Variants in EPN1 observed in about 807,000 individuals in gnomAD.
EPN1 encodes epsin-1.
In EPN1, 25 loss-of-function variants were observed where a neutral mutation model predicts 56.9. The observed-to-expected ratio is 0.44, with a 90% CI of 0.32 to 0.61. The LOEUF (loss-of-function observed/expected upper bound fraction) is 0.61. EPN1 is among the 20% of genes least tolerant of loss of function. The probability of loss-of-function intolerance (pLI) is 0.05; values close to 1 mark genes in which losing one functional copy is unlikely to be tolerated. For synonymous variants in EPN1, 411 were observed against 361.8 expected (o/e 1.14, Z -1.54); for missense variants, 785 against 823.7 (o/e 0.95, Z 0.58).
At chr19:55,690,861 C>A (rs1986496654) in intron 6 of EPN1, among the ~76,000 whole-genome samples, 1 of 152,138 alleles carries the variant, frequency 6.6e-6, no homozygotes, top group Non-Finnish European at 1.5e-5. Flanking sequence ...TTTAGGTTGG[C>A]CTCGGCCAGG....
At position 55,693,878 on chromosome 19, in the gene EPN1, G is replaced by A. The variant is rs140642322; in HGVS notation, c.1264+841G>A. On this transcript the variant is annotated intron_variant, in intron 9 of 10. Coordinates refer to ENST00000270460, the MANE Select transcript of EPN1 (RefSeq NM_001130072.2). ...AGGCCCTTTTTTGTCCCATACAAATGTGTGCATTTTTTCAACATTAGGTAG... is the reference window on the plus strand; with the variant it reads ...AGGCCCTTTTTTGTCCCATACAAATATGTGCATTTTTTCAACATTAGGTAG... 1.6e-3 allele frequency among the ~76,000 whole-genome samples: 247 copies of A among 152,222 alleles called. 1 individual carries two copies. The highest frequency in any genetic ancestry group is 1.5e-3 in the Non-Finnish European group (99 of 68,022).
In EPN1 at chr19:55,700,903, CTCA is replaced by C; in HGVS notation, c.*5550_*5552del. On this transcript the variant is annotated 3_prime_UTR_variant, in exon 11 of 11. Coordinates refer to ENST00000270460, the MANE Select transcript of EPN1 (RefSeq NM_001130072.2). ...AATGGCTTGTGTTGTGGGGAATGTT[CTCA>C]TCCACCCAAATCAAGCATCACTACA... The C allele has an allele frequency of 6.6e-6, 1 of 152,286 alleles. No individual in the cohort carries two copies. Among genetic ancestry groups the C allele is most frequent in the East Asian group, 1.9e-4 (1 of 5,182 alleles). The allele number at this position is 152,286 out of a possible 1,614,324, so 9.4% of individuals were successfully genotyped here.
rs375948547 is a variant in EPN1, at chr19:55,691,896, C to T, written c.905C>T (p.Pro302Leu). 2.2e-4 allele frequency: 353 copies of T among 1,598,622 alleles called. 2 individuals are homozygous for T. The highest frequency in any genetic ancestry group is 2.7e-4 in the Non-Finnish European group (313 of 1,172,888). The change falls in exon 7 of 11, where the codon CCT becomes CTT. Residue 302 changes from proline to leucine, a missense_variant. Pro to Leu is a moderately conservative substitution (Grantham distance 98). This residue lies in a region of EPN1 where 650 missense variants were observed against 605.0 expected (regional missense o/e 1.07). Transcript: ENST00000270460. This position sits in a 1 kb window ranked among gnomAD's most constrained non-coding sequence, Gnocchi z 5.6. ...GACCCCTGGGGCGGCCCCCCTGTCC[C>T]TCCAGCTGCTGATCCCTGGGGAGGT... ...TSDPWGGPPV[P>L]PAADPWGGPA...
chr19:55,679,297 C>G (rs1435822461), intron 2 of EPN1, among the ~76,000 whole-genome samples: 2 of 152,270 alleles, frequency 1.3e-5, no homozygotes, highest in Non-Finnish European at 2.9e-5. Flanking sequence ...TTTCAGTTTG[C>G]TGCTCTTGGG....
At chr19:55,675,734 T>A (rs1168380286) in intron 1 of EPN1, among the ~76,000 whole-genome samples, 1 of 152,164 alleles carries the variant, frequency 6.6e-6, no homozygotes, top group Non-Finnish European at 1.5e-5. Flanking sequence ...GGTCTCTCTC[T>A]CCTCTGTCTG....
intron 2 of EPN1, among the ~76,000 whole-genome samples, chr19:55,679,134 G>A (rs371505611): frequency 2.0e-5 from 3 of 152,250 alleles, no homozygotes; most frequent in African/African-American, 7.2e-5. Context: ...TGTGTGCCCA[G>A]ACACCCAGTT....
At chr19:55,676,817 G>A (rs1985464963) in intron 1 of EPN1, 1 of 183,158 alleles carries the variant, frequency 5.5e-6, no homozygotes, top group African/African-American at 2.4e-5. Flanking sequence ...CTGCCTCCCT[G>A]TCTTCCCATG....
rs1241818947 is a variant in EPN1, at chr19:55,706,562, G to A, written c.*11206G>A. On this transcript the variant is annotated 3_prime_UTR_variant, in exon 11 of 11. Transcript: ENST00000270460. ...AGCTCCTCAGTAGGCTAAGGCGGGA[G>A]AATCGCTTGAACCCAGAGGCAGAGG... 6.6e-6 allele frequency: 1 copy of A among 151,870 alleles called. No homozygotes were observed. Among genetic ancestry groups the A allele is most frequent in the Non-Finnish European group, 1.5e-5 (1 of 68,050 alleles). 9.4% of individuals were successfully genotyped at this position (151,870 alleles called of 1,614,324 possible).
At chr19:55,685,974 C>T (rs1986143495) in intron 3 of EPN1, among the ~76,000 whole-genome samples, 1 of 152,224 alleles carries the variant, frequency 6.6e-6, no homozygotes, top group South Asian at 2.1e-4. Context: ...GGGACACGCA[C>T]AGTGACCCCC....
Position 55,706,137 on chromosome 19 carries a change from G to T in EPN1, c.*10781G>T. Reference sequence around the variant, plus strand: ...CAGGTTTATGAGACTGGAGAACTTTGATTTCTTCTTCCTCCTCCTCCTCTC... The same window carrying T: ...CAGGTTTATGAGACTGGAGAACTTTTATTTCTTCTTCCTCCTCCTCCTCTC... On this transcript the variant is annotated 3_prime_UTR_variant, in exon 11 of 11. Transcript: ENST00000270460. 2 of 197,852 alleles carry T rather than the reference G, an allele frequency of 1.0e-5. No individual in the cohort carries two copies. The highest frequency in any genetic ancestry group is 1.3e-4 in the South Asian group (2 of 15,102). The allele number at this position is 197,852 out of a possible 1,614,324, so 12.3% of individuals were successfully genotyped here.
At position 55,689,056 on chromosome 19, in the gene EPN1, C is replaced by G; in HGVS notation, c.603+62C>G. On this transcript the variant is annotated intron_variant, in intron 4 of 10. Coordinates refer to ENST00000270460, the MANE Select transcript of EPN1 (RefSeq NM_001130072.2). This position sits in a 1 kb window ranked among gnomAD's most constrained non-coding sequence, Gnocchi z 5.7. ...CCGCCTCCACGCCTCACTTCAGGCTCCCTCCCAGCCAGGCGTGGGCCTGGC... is the reference window on the plus strand; with the variant it reads ...CCGCCTCCACGCCTCACTTCAGGCTGCCTCCCAGCCAGGCGTGGGCCTGGC... 6.6e-7 allele frequency: 1 copy of G among 1,510,250 alleles called. No individual in the cohort carries two copies. Among genetic ancestry groups the G allele is most frequent in the Non-Finnish European group, 8.8e-7 (1 of 1,131,802 alleles). 93.6% of individuals were successfully genotyped at this position (1,510,250 alleles called of 1,614,324 possible). A position where few individuals can be genotyped will look rare whatever the true frequency, so the allele number is the denominator to read the frequency against.
rs1291892483 is a variant in EPN1, at chr19:55,701,602, A to ACTTCTCC, written c.*6249_*6255dup. 6.6e-6 allele frequency: 1 copy of ACTTCTCC among 152,084 alleles called. No homozygotes were observed. Among genetic ancestry groups the ACTTCTCC allele is most frequent in the East Asian group, 1.9e-4 (1 of 5,172 alleles). The allele number at this position is 152,084 out of a possible 1,614,324, so 9.4% of individuals were successfully genotyped here. The stretch of plus-strand genomic sequence containing the variant: ...TCAGAAGGAGCTGACATTAATGAGA[A>ACTTCTCC]CTTCTCCCTGTTAGACCCTTAAAAT... On this transcript the variant is annotated 3_prime_UTR_variant, in exon 11 of 11. Coordinates refer to ENST00000270460, the MANE Select transcript of EPN1 (RefSeq NM_001130072.2).
rs919120884 is a variant in EPN1, at chr19:55,691,003, C to T, written c.763-751C>T. ...GCTCTTCTCCCCTTCCCATCCCCGC[C>T]GGGGCCTTTGCCTCACGGGTGCTGA... On this transcript the variant is annotated intron_variant, in intron 6 of 10. Transcript: ENST00000270460. This position sits in a 1 kb window ranked among gnomAD's most constrained non-coding sequence, Gnocchi z 5.6. Among the ~76,000 whole-genome samples the T allele has an allele frequency of 7.9e-5, 12 of 152,322 alleles. No individual in the cohort carries two copies. Among genetic ancestry groups the T allele is most frequent in the African/African-American group, 2.2e-4 (9 of 41,574 alleles).
chr19:55,695,386 CG>C lies in EPN1; in HGVS notation c.*32del, dbSNP rs1011008194. On this transcript the variant is annotated 3_prime_UTR_variant, in exon 11 of 11. Transcript: ENST00000270460. The surrounding 1 kb of genome is among the most constrained non-coding windows in gnomAD (Gnocchi z 4.4). ...GGGCGGAAGGGGGCCTGGCTCCATCCGGCTGCCCCATTCCGGCTCCCTGGGA... is the reference window on the plus strand; with the variant it reads ...GGGCGGAAGGGGGCCTGGCTCCATCCGCTGCCCCATTCCGGCTCCCTGGGA... The C allele has an allele frequency of 1.6e-6, 2 of 1,254,568 alleles. No individual in the cohort carries two copies. Among genetic ancestry groups the C allele is most frequent in the Admixed American group, 2.1e-5 (1 of 46,588 alleles). The allele number at this position is 1,254,568 out of a possible 1,614,324, so 77.7% of individuals were successfully genotyped here.
intron 2 of EPN1, among the ~76,000 whole-genome samples, chr19:55,682,877 C>T (rs1013821418): frequency 1.3e-5 from 2 of 152,132 alleles, no homozygotes; most frequent in African/African-American, 4.8e-5. Flanking sequence ...CTGCCTTAGC[C>T]TCCCGAGTAG....
In EPN1 at chr19:55,703,299, G is replaced by T. The variant is rs906222271; in HGVS notation, c.*7943G>T. 2.0e-5 allele frequency: 3 copies of T among 152,236 alleles called. No individual in the cohort carries two copies. Among genetic ancestry groups the T allele is most frequent in the Admixed American group, 6.6e-5 (1 of 15,248 alleles). The allele number at this position is 152,236 out of a possible 1,614,324, so 9.4% of individuals were successfully genotyped here. A position where few individuals can be genotyped will look rare whatever the true frequency, so the allele number is the denominator to read the frequency against. ...GCTGCTGTGTGTGTGTGTGTTGTGTGTGGTTGGGACAGTCGGGGATTCTCA... is the reference window on the plus strand; with the variant it reads ...GCTGCTGTGTGTGTGTGTGTTGTGTTTGGTTGGGACAGTCGGGGATTCTCA... On this transcript the variant is annotated 3_prime_UTR_variant, in exon 11 of 11. Coordinates refer to ENST00000270460, the MANE Select transcript of EPN1 (RefSeq NM_001130072.2).
rs905232116 is a variant in EPN1 at position 55,706,756 on chromosome 19, G to T, written c.*11400G>T. 2.0e-5 allele frequency: 3 copies of T among 152,030 alleles called. No homozygotes were observed. Among genetic ancestry groups the T allele is most frequent in the Non-Finnish European group, 1.5e-5 (1 of 67,998 alleles). The allele number at this position is 152,030 out of a possible 1,614,324, so 9.4% of individuals were successfully genotyped here. Reference sequence around the variant, plus strand: ...GAGAGATTAAAAAAAAAAAGTAAATGGGCCAGGTGCGATGGCTTGTGCCTG... The same window carrying T: ...GAGAGATTAAAAAAAAAAAGTAAATTGGCCAGGTGCGATGGCTTGTGCCTG... On this transcript the variant is annotated 3_prime_UTR_variant, in exon 11 of 11. Coordinates refer to ENST00000270460, the MANE Select transcript of EPN1 (RefSeq NM_001130072.2).
At position 55,689,358 on chromosome 19, in the gene EPN1, A is replaced by G; in HGVS notation, c.665A>G (p.Glu222Gly). ...QLQLALSLSR[E>G]EHDKEERIRR... ...CAGCTGGCCCTTAGTTTGAGCCGAGAAGAGCATGATAAGGTCAGAGCAGCC... is the reference window on the plus strand; with the variant it reads ...CAGCTGGCCCTTAGTTTGAGCCGAGGAGAGCATGATAAGGTCAGAGCAGCC... Residue 222 changes from glutamate to glycine, a missense_variant, in exon 5 of 11, where the codon GAA becomes GGA. This residue lies in a region of EPN1 where 650 missense variants were observed against 605.0 expected (regional missense o/e 1.07). Transcript: ENST00000270460. The surrounding 1 kb of genome is among the most constrained non-coding windows in gnomAD (Gnocchi z 5.7). 1 of 1,551,672 alleles carries G rather than the reference A, an allele frequency of 6.4e-7. No homozygotes were observed. The highest frequency in any genetic ancestry group is 8.7e-7 in the Non-Finnish European group (1 of 1,146,958).
Position 55,706,221 on chromosome 19 carries a change from C to A in EPN1, c.*10865C>A. ...TTTCTTCCTTTATTTTTCTTTCTTC[C>A]TTTCCTCCTCTTTCTTCTCCTTTTT... On this transcript the variant is annotated 3_prime_UTR_variant, in exon 11 of 11. Coordinates refer to ENST00000270460, the MANE Select transcript of EPN1 (RefSeq NM_001130072.2). 1.5e-5 allele frequency: 2 copies of A among 133,338 alleles called. No individual in the cohort carries two copies. Among genetic ancestry groups the A allele is most frequent in the Non-Finnish European group, 3.0e-5 (2 of 65,794 alleles). 8.3% of individuals were successfully genotyped at this position (133,338 alleles called of 1,614,324 possible).
Sources: allele counts gnomAD v4.1 joint callset (sites outside exome capture counted in the v4.1 genomes callset), GRCh38; gene constraint gnomAD v4.1.1; regional missense constraint gnomAD v4.1.1; non-coding constraint Gnocchi (gnomAD v3.1); transcripts MANE v1.5; gene names NCBI Gene and HGNC (gene_info 2026-07-23, HGNC 2026-07-21).